Variants in TNFSF12 observed in about 807,000 individuals in gnomAD.
The protein encoded by TNFSF12 is tumor necrosis factor ligand superfamily member 12.
TNFSF12 carries 16 observed loss-of-function variants against 31.2 expected under a neutral mutation model. That is an observed-to-expected ratio of 0.51 (90% confidence interval 0.35 to 0.78). The LOEUF (loss-of-function observed/expected upper bound fraction) is 0.78, where lower values mean the gene tolerates loss of function less well. Ranked by LOEUF, TNFSF12 falls within the 30% of genes least tolerant of loss-of-function variation. The probability of loss-of-function intolerance (pLI) is 0.01; values close to 1 mark genes in which losing one functional copy is unlikely to be tolerated. For missense variants in TNFSF12, 324 were observed against 338.8 expected, an observed-to-expected ratio of 0.96 and a Z score of 0.34; for synonymous variants, 150 against 151.4, an observed-to-expected ratio of 0.99 and a Z score of 0.07.
rs2070986295 is a variant in TNFSF12, at chr17:7,550,282, G to A, written c.283+87G>A. 1.3e-6 allele frequency: 2 copies of A among 1,595,744 alleles called. No homozygotes were observed. Among genetic ancestry groups the A allele is most frequent in the Non-Finnish European group, 1.7e-6 (2 of 1,167,506 alleles). ...AGAAACTGAGGCACGGAGGGTGAAA[G>A]GAGTTCAGAGTCATGCAGCTAACCA... On this transcript the variant is annotated intron_variant, in intron 3 of 6. Transcript: ENST00000293825. This position sits in a 1 kb window ranked among gnomAD's most constrained non-coding sequence, Gnocchi z 4.4.
At chr17:7,551,577 C>T (rs770973134) in intron 5 of TNFSF12, among the ~76,000 whole-genome samples, 5 of 152,144 alleles carry the variant, frequency 3.3e-5, no homozygotes, top group South Asian at 2.1e-4. Flanking sequence ...CCCCTGCTCC[C>T]GGTGTGCCTC....
chr17:7,549,716 G>C lies in TNFSF12; in HGVS notation c.207+195G>C, dbSNP rs2070978248. 2 of 945,708 alleles carry C rather than the reference G, an allele frequency of 2.1e-6. No individual in the cohort carries two copies. Among genetic ancestry groups the C allele is most frequent in the Admixed American group, 6.0e-5 (2 of 33,556 alleles). 58.6% of individuals were successfully genotyped at this position (945,708 alleles called of 1,614,324 possible). A position where few individuals can be genotyped will look rare whatever the true frequency, so the allele number is the denominator to read the frequency against. ...AACTCTGTGTGAGGGGTTTGTGCTGGGGTTGTGCCACCTGAGTCTGAGGTG... is the reference window on the plus strand; with the variant it reads ...AACTCTGTGTGAGGGGTTTGTGCTGCGGTTGTGCCACCTGAGTCTGAGGTG... On this transcript the variant is annotated intron_variant, in intron 2 of 6. Coordinates refer to ENST00000293825, the MANE Select transcript of TNFSF12 (RefSeq NM_003809.3). The surrounding 1 kb of genome is among the most constrained non-coding windows in gnomAD (Gnocchi z 4.1).
chr17:7,549,208 G>T lies in TNFSF12; in HGVS notation c.55G>T (p.Ala19Ser). The change falls in exon 1 of 7, where the codon GCC becomes TCC. Residue 19 changes from alanine (A) to serine (S), a missense_variant. Transcript: ENST00000293825. This position sits in a 1 kb window ranked among gnomAD's most constrained non-coding sequence, Gnocchi z 4.1. ...RRGRRGEPGT[A>S]LLVPLALGLG... is the part of the protein sequence containing the mutation. ...GGGGCGCCGGGGGGAGCCGGGCACC[G>T]CCCTGCTGGTCCCGCTCGCGCTGGG... 1 of 1,339,276 alleles carries T rather than the reference G, an allele frequency of 7.5e-7. No individual in the cohort carries two copies. Among genetic ancestry groups the T allele is most frequent in the Non-Finnish European group, 9.5e-7 (1 of 1,049,566 alleles). 83.0% of individuals were successfully genotyped at this position (1,339,276 alleles called of 1,614,324 possible).
chr17:7,549,441 C>A lies in TNFSF12; in HGVS notation c.160-33C>A, dbSNP rs772401999. 1 of 1,470,614 alleles carries A rather than the reference C, an allele frequency of 6.8e-7. No individual in the cohort carries two copies. Among genetic ancestry groups the A allele is most frequent in the Non-Finnish European group, 9.1e-7 (1 of 1,098,262 alleles). The allele number at this position is 1,470,614 out of a possible 1,614,324, so 91.1% of individuals were successfully genotyped here. On this transcript the variant is annotated intron_variant, in intron 1 of 6. Coordinates refer to ENST00000293825, the MANE Select transcript of TNFSF12 (RefSeq NM_003809.3). The surrounding 1 kb of genome is among the most constrained non-coding windows in gnomAD (Gnocchi z 4.1). Reference sequence around the variant, plus strand: ...GTGGAGGGTGAGATGTCAGGTGGAGCGGCACAGGGTGACGCTCCCTCCTTC... The same window carrying A: ...GTGGAGGGTGAGATGTCAGGTGGAGAGGCACAGGGTGACGCTCCCTCCTTC...
Position 7,557,092 on chromosome 17 carries a change from AC to A in TNFSF12, c.499-3del. On this transcript the variant is annotated splice_region_variant and splice_polypyrimidine_tract_variant and intron_variant, in intron 6 of 6. Coordinates refer to ENST00000293825, the MANE Select transcript of TNFSF12 (RefSeq NM_003809.3). This position sits in a 1 kb window ranked among gnomAD's most constrained non-coding sequence, Gnocchi z 5.2. ...GGCCTGGACTCGGCCTGTTGTCCCCACCCCAGGTGCACTTTGATGAGGGGAA... is the reference window on the plus strand; with the variant it reads ...GGCCTGGACTCGGCCTGTTGTCCCCACCCAGGTGCACTTTGATGAGGGGAA... 6.2e-7 allele frequency: 1 copy of A among 1,606,172 alleles called. No homozygotes were observed. Among genetic ancestry groups the A allele is most frequent in the South Asian group, 1.1e-5 (1 of 90,698 alleles).
chr17:7,551,001 A>C, intron 5 of TNFSF12, 23 bp downstream of exon 5: 2 of 1,613,176 alleles, frequency 1.2e-6, no homozygotes, highest in South Asian at 1.1e-5. Context: ...CCCCCGACAC[A>C]GCACTGGCCT....
Position 7,550,055 on chromosome 17 carries a change from G to A in TNFSF12, c.208-65G>A. 6.2e-7 allele frequency: 1 copy of A among 1,612,148 alleles called. No individual in the cohort carries two copies. Among genetic ancestry groups the A allele is most frequent in the Non-Finnish European group, 8.5e-7 (1 of 1,178,488 alleles). On this transcript the variant is annotated intron_variant, in intron 2 of 6. Transcript: ENST00000293825. This position sits in a 1 kb window ranked among gnomAD's most constrained non-coding sequence, Gnocchi z 4.4. ...TTGCTGGCTGGTGGCTCTCCTGACA[G>A]GCCCCGTATGTCTCACTTTATATCT...
At chr17:7,551,813 A>C (rs1319427083) in intron 5 of TNFSF12, among the ~76,000 whole-genome samples, 3 of 152,184 alleles carry the variant, frequency 2.0e-5, no homozygotes, top group Non-Finnish European at 4.4e-5. Context: ...TTTTTAAGAC[A>C]GTCTCGCTCT....
intron 5 of TNFSF12, among the ~76,000 whole-genome samples, chr17:7,551,490 T>C (rs1367383206): frequency 6.6e-6 from 1 of 152,138 alleles, no homozygotes; most frequent in Non-Finnish European, 1.5e-5. Flanking sequence ...TCTACATGGC[T>C]TCCAGTCTCT....
At position 7,549,509 on chromosome 17, in the gene TNFSF12, C is replaced by A; in HGVS notation, c.195C>A (p.Asp65Glu). The A allele has an allele frequency of 6.4e-7, 1 of 1,552,722 alleles. No individual in the cohort carries two copies. The highest frequency in any genetic ancestry group is 8.7e-7 in the Non-Finnish European group (1 of 1,146,038). The change falls in exon 2 of 7, where the codon GAC becomes GAA. Residue 65 changes from aspartate (D) to glutamate (E), a missense_variant. Physicochemically the swap from Asp to Glu is conservative, Grantham distance 45 (BLOSUM62 2). Coordinates refer to ENST00000293825, the MANE Select transcript of TNFSF12 (RefSeq NM_003809.3). The surrounding 1 kb of genome is among the most constrained non-coding windows in gnomAD (Gnocchi z 4.1). The part of the protein sequence containing the change: ...PAQEELVAEE[D>E]QDPSELNPQT... Reference sequence around the variant, plus strand: ...AGGAGGAGCTGGTGGCAGAGGAGGACCAGGACCCGTCGGTGAGTGGGCGTG... The same window carrying A: ...AGGAGGAGCTGGTGGCAGAGGAGGAACAGGACCCGTCGGTGAGTGGGCGTG...
intron 5 of TNFSF12, chr17:7,553,930 T>C: frequency 1.0e-6 from 1 of 999,964 alleles, no homozygotes; most frequent in African/African-American, 1.7e-5. Context: ...TGAGGAGAAA[T>C]GGTACAAAAT....
intron 6 of TNFSF12, 22 bp downstream of exon 6, chr17:7,556,924 G>T: frequency 3.3e-6 from 5 of 1,524,314 alleles, no homozygotes; most frequent in Non-Finnish European, 4.4e-6. Context: ...CTGGCTGCAT[G>T]GGTAACGCAG....
chr17:7,555,811 A>T (rs1423482367), intron 5 of TNFSF12, among the ~76,000 whole-genome samples: 1 of 151,814 alleles, frequency 6.6e-6, no homozygotes, highest in Admixed American at 6.6e-5. Flanking sequence ...GAGTGGGATG[A>T]GGGGGGTCAG....
In TNFSF12 at chr17:7,549,712, G is replaced by A; in HGVS notation, c.207+191G>A. 9.9e-7 allele frequency: 1 copy of A among 1,007,750 alleles called. No individual in the cohort carries two copies. The highest frequency in any genetic ancestry group is 1.4e-6 in the Non-Finnish European group (1 of 716,696). 62.4% of individuals were successfully genotyped at this position (1,007,750 alleles called of 1,614,324 possible). On this transcript the variant is annotated intron_variant, in intron 2 of 6. Coordinates refer to ENST00000293825, the MANE Select transcript of TNFSF12 (RefSeq NM_003809.3). This position sits in a 1 kb window ranked among gnomAD's most constrained non-coding sequence, Gnocchi z 4.1. ...TGACAACTCTGTGTGAGGGGTTTGT[G>A]CTGGGGTTGTGCCACCTGAGTCTGA...
Position 7,550,844 on chromosome 17 carries a change from A to G in TNFSF12, c.329A>G (p.His110Arg), listed in dbSNP as rs2070993038. 7 of 1,612,838 alleles carry G rather than the reference A, an allele frequency of 4.3e-6. No homozygotes were observed. The highest frequency in any genetic ancestry group is 5.9e-6 in the Non-Finnish European group (7 of 1,178,950). The change falls in exon 4 of 7, where the codon CAT becomes CGT. Residue 110 changes from histidine to arginine, a missense_variant. By Grantham distance (29) the His-to-Arg change is conservative (BLOSUM62 0). Transcript: ENST00000293825. This position sits in a 1 kb window ranked among gnomAD's most constrained non-coding sequence, Gnocchi z 4.4. Reference protein sequence around the residue: ...KTRARRAIAAHYEVHPRPGQD... With the variant: ...KTRARRAIAARYEVHPRPGQD... ...CGGGCTCGAAGAGCGATCGCAGCCC[A>G]TTATGAAGGTGGGTGATGGGTGAGC...
At chr17:7,554,152 C>T (rs573600224) in intron 5 of TNFSF12, among the ~76,000 whole-genome samples, 1 of 152,274 alleles carries the variant, frequency 6.6e-6, no homozygotes, top group Admixed American at 6.5e-5. Flanking sequence ...GCCCTCCCTA[C>T]TCTTCATGCC....
intron 5 of TNFSF12, among the ~76,000 whole-genome samples, chr17:7,551,377 T>C (rs1463573551): frequency 6.6e-6 from 1 of 152,124 alleles, no homozygotes; most frequent in South Asian, 2.1e-4. Flanking sequence ...AAATCCAGCC[T>C]CTTGCTGCTT....
Position 7,549,183 on chromosome 17 carries a change from G to T in TNFSF12, c.30G>T (p.Arg10Ser), listed in dbSNP as rs2070968541. Reference sequence around the variant, plus strand: ...CCGCCCGTCGGAGCCAGAGGCGGAGGGGGCGCCGGGGGGAGCCGGGCACCG... The same window carrying T: ...CCGCCCGTCGGAGCCAGAGGCGGAGTGGGCGCCGGGGGGAGCCGGGCACCG... MAARRSQRR[R>S]GRRGEPGTAL... Residue 10 changes from arginine to serine, a missense_variant, in exon 1 of 7, where the codon AGG becomes AGT. Coordinates refer to ENST00000293825, the MANE Select transcript of TNFSF12 (RefSeq NM_003809.3). This position sits in a 1 kb window ranked among gnomAD's most constrained non-coding sequence, Gnocchi z 4.1. The T allele has an allele frequency of 7.7e-7, 1 of 1,301,350 alleles. No homozygotes were observed. Among genetic ancestry groups the T allele is most frequent in the Non-Finnish European group, 9.7e-7 (1 of 1,028,510 alleles). 80.6% of individuals were successfully genotyped at this position (1,301,350 alleles called of 1,614,324 possible).
At chr17:7,554,290 C>T (rs997347654) in intron 5 of TNFSF12, among the ~76,000 whole-genome samples, 1 of 149,068 alleles carries the variant, frequency 6.7e-6, no homozygotes, top group Non-Finnish European at 1.5e-5. Context: ...GTGCCCACAG[C>T]AACTAATATC....
Sources: gnomAD v4.1 joint callset for allele counts (sites outside exome capture counted in the v4.1 genomes callset) on GRCh38, gnomAD v4.1.1 for gene constraint, Gnocchi (gnomAD v3.1) non-coding constraint, MANE v1.5 for transcripts, NCBI Gene and HGNC (gene_info 2026-07-23, HGNC 2026-07-21) for gene names.